The following C1QTNF3 variants were observed in gnomAD, a reference collection of about 807,000 sequenced individuals.
The protein encoded by C1QTNF3 is C1q and TNF related 3.
C1QTNF3 carries 26 observed loss-of-function variants against 32.6 expected under a neutral mutation model. The observed-to-expected ratio is 0.80, with a 90% CI of 0.58 to 1.11. The LOEUF is 1.11. Ranked by LOEUF, C1QTNF3 falls within the 50% of genes least tolerant of loss-of-function variation. The pLI, the probability that C1QTNF3 is intolerant of heterozygous loss-of-function variation, is 0.00. For missense variants in C1QTNF3, 362 were observed against 398.2 expected (o/e 0.91, Z 0.77); for synonymous variants, 155 against 146.0 (o/e 1.06, Z -0.44).
At chr5:34,163,920 A>G in the C1QTNF3 span, among the ~76,000 whole-genome samples, 1 of 152,152 alleles carries the variant, frequency 6.6e-6, no homozygotes, top group African/African-American at 2.4e-5. Context: ...GATATGTTAA[A>G]AACAAGAAAA....
chr5:34,043,170 C>A lies in C1QTNF3; in HGVS notation c.-45G>T. ...GAGTCTCCCTGAGAAGACAGCAGAG[C>A]TCCAGGAGCGTGGTCTCCTCGGGCA... is the stretch of plus-strand genomic sequence containing the variant. On this transcript the variant is annotated 5_prime_UTR_variant, in exon 1 of 6. Transcript: ENST00000382065. 5.1e-6 allele frequency: 8 copies of A among 1,570,936 alleles called. No homozygotes were observed. Among genetic ancestry groups the A allele is most frequent in the Non-Finnish European group, 5.2e-6 (6 of 1,161,592 alleles).
intron 5 of C1QTNF3, 55 bp downstream of exon 5, chr5:34,023,854 C>A: frequency 1.4e-6 from 2 of 1,435,550 alleles, no homozygotes; most frequent in Non-Finnish European, 2.0e-6. Context: ...ATTAGGCATT[C>A]CTTGAACAAA....
the C1QTNF3 span, among the ~76,000 whole-genome samples, chr5:34,201,964 G>C: frequency 2.0e-5 from 3 of 152,086 alleles, no homozygotes; most frequent in Non-Finnish European, 4.4e-5. Flanking sequence ...CCATGAAACT[G>C]GGGATTAGGC....
At chr5:34,138,402 C>CTA in the C1QTNF3 span, among the ~76,000 whole-genome samples, 1 of 152,036 alleles carries the variant, frequency 6.6e-6, no homozygotes, top group Non-Finnish European at 1.5e-5. Context: ...AAAAATATCA[C>CTA]TATCATTGAC....
the C1QTNF3 span, among the ~76,000 whole-genome samples, chr5:34,195,570 G>A: frequency 4.6e-5 from 7 of 152,308 alleles, no homozygotes; most frequent in Non-Finnish European, 5.9e-5. Context: ...GGCCGGGCGC[G>A]GTGGCTCATG....
chr5:34,147,473 T>C, the C1QTNF3 span, among the ~76,000 whole-genome samples: 1 of 152,252 alleles, frequency 6.6e-6, no homozygotes, highest in Non-Finnish European at 1.5e-5. Flanking sequence ...TATGGAGTAC[T>C]ACAGAGCCAT....
At chr5:34,241,941 A>AAGGGAGGG in the C1QTNF3 span, among the ~76,000 whole-genome samples, 1,768 of 106,126 alleles carry the variant, frequency 0.017, 69 homozygotes, top group Non-Finnish European at 0.024. Context: ...GGAAGGGAGG[A>AAGGGAGGG]AGGGAGGGAG....
At chr5:34,035,258 G>GA in intron 2 of C1QTNF3, among the ~76,000 whole-genome samples, 1 of 152,218 alleles carries the variant, frequency 6.6e-6, no homozygotes, top group Admixed American at 6.5e-5. Context: ...AGTGGCATGA[G>GA]AGTCAACTGA....
chr5:34,089,116 G>A, the C1QTNF3 span, among the ~76,000 whole-genome samples: 1 of 152,202 alleles, frequency 6.6e-6, no homozygotes, highest in Non-Finnish European at 1.5e-5. Flanking sequence ...AAGCTGGGCT[G>A]TGAAGCAGTT....
the C1QTNF3 span, among the ~76,000 whole-genome samples, chr5:34,237,521 A>C: frequency 2.6e-5 from 4 of 152,230 alleles, no homozygotes; most frequent in Admixed American, 2.6e-4. Context: ...TGTAATATTC[A>C]AAAATGTTAC....
the C1QTNF3 span, among the ~76,000 whole-genome samples, chr5:34,099,494 G>A: frequency 6.6e-6 from 1 of 151,894 alleles, no homozygotes; most frequent in East Asian, 1.9e-4. Context: ...AAAAGCTGAG[G>A]CAAAATTAAT....
the C1QTNF3 span, among the ~76,000 whole-genome samples, chr5:34,051,166 A>G: frequency 1.3e-5 from 2 of 152,254 alleles, no homozygotes; most frequent in Admixed American, 1.3e-4. Context: ...AAAATGGGAC[A>G]CTACAGCAAA....
At chr5:34,146,809 A>G in the C1QTNF3 span, among the ~76,000 whole-genome samples, 14 of 152,368 alleles carry the variant, frequency 9.2e-5, no homozygotes, top group African/African-American at 3.1e-4. Flanking sequence ...AGTAATTGAC[A>G]GGTGTGATGT....
chr5:34,159,722 T>G, the C1QTNF3 span, among the ~76,000 whole-genome samples: 1 of 151,932 alleles, frequency 6.6e-6, no homozygotes, highest in Non-Finnish European at 1.5e-5. Context: ...CTGTGATAAG[T>G]AAGAATATTG....
chr5:34,023,276 G>A (rs1340377926), intron 5 of C1QTNF3, among the ~76,000 whole-genome samples: 2 of 152,084 alleles, frequency 1.3e-5, no homozygotes, highest in Non-Finnish European at 2.9e-5. Flanking sequence ...TCTCAACCTG[G>A]AACTCTTGCC....
At chr5:34,207,888 C>CG in the C1QTNF3 span, among the ~76,000 whole-genome samples, 1 of 151,868 alleles carries the variant, frequency 6.6e-6, no homozygotes, top group East Asian at 1.9e-4. Flanking sequence ...CCCGGGTTCA[C>CG]GCCATTCTCC....
At chr5:34,232,574 T>C in the C1QTNF3 span, among the ~76,000 whole-genome samples, 1 of 152,036 alleles carries the variant, frequency 6.6e-6, no homozygotes, top group Non-Finnish European at 1.5e-5. Context: ...AGAGATCTGA[T>C]GGTTTAAAAG....
the C1QTNF3 span, among the ~76,000 whole-genome samples, chr5:34,128,123 C>G: frequency 6.6e-6 from 1 of 152,364 alleles, no homozygotes; most frequent in Non-Finnish European, 1.5e-5. Flanking sequence ...TGTGTCCCAG[C>G]AGCTCCAGCT....
chr5:34,056,448 G>A, the C1QTNF3 span, among the ~76,000 whole-genome samples: 730 of 42,466 alleles, frequency 0.017, 17 homozygotes, highest in African/African-American at 0.035. Flanking sequence ...GTGTGTGTGT[G>A]TGTGTGTATA....
Sources: allele counts gnomAD v4.1 joint callset (sites outside exome capture counted in the v4.1 genomes callset), GRCh38; gene constraint gnomAD v4.1.1; transcripts MANE v1.5; gene names NCBI Gene and HGNC (gene_info 2026-07-23, HGNC 2026-07-21).